ZNF544: variants seen among roughly 807,000 people sequenced by gnomAD.
ZNF544 encodes zinc finger protein 544, also known as zinc finger protein AF020591.
In ZNF544, 10 loss-of-function variants were observed where a neutral mutation model predicts 13.5. That is an observed-to-expected ratio of 0.74 (90% confidence interval 0.46 to 1.25). ZNF544 has a LOEUF of 1.25. Ranked by LOEUF, ZNF544 falls within the 50% of genes most tolerant of loss-of-function variation. The probability of loss-of-function intolerance (pLI) is 0.00; values close to 1 mark genes in which losing one functional copy is unlikely to be tolerated. For synonymous variants in ZNF544, 323 were observed against 300.5 expected (o/e 1.07, Z -0.77); for missense variants, 896 against 845.6 (o/e 1.06, Z -0.74).
intron 3 of ZNF544, among the ~76,000 whole-genome samples, chr19:58,243,297 C>T (rs1398209411): frequency 2.6e-5 from 4 of 151,984 alleles, no homozygotes. Context: ...GGGTGTGCTT[C>T]AGTGCCGATG....
chr19:58,266,772 T>C (rs1289333772), downstream of ZNF544: 2 of 151,804 alleles, frequency 1.3e-5, no homozygotes. Flanking sequence ...AGGGAAGGAG[T>C]CATGTGCTAA....
intron 3 of ZNF544, among the ~76,000 whole-genome samples, chr19:58,235,100 G>A (rs908083648): frequency 1.3e-5 from 2 of 152,176 alleles, no homozygotes; most frequent in African/African-American, 4.8e-5. Flanking sequence ...AGGTGACTTT[G>A]TTGTGTGAAC....
At chr19:58,265,587 A>T (rs543290441), downstream of ZNF544, among the ~76,000 whole-genome samples, 2 of 146,310 alleles carry the variant, frequency 1.4e-5, no homozygotes, top group East Asian at 2.1e-4. Flanking sequence ...GAGCCGCCAC[A>T]CCCGGCCGCA....
At chr19:58,266,633 A>C (rs1292626711), downstream of ZNF544, 1 of 152,012 alleles carries the variant, frequency 6.6e-6, no homozygotes, top group Non-Finnish European at 1.5e-5. Context: ...TGGCAGCCCC[A>C]GCAGAGCCAT....
At chr19:58,273,264 A>T (rs889051423) in intron 5 of ZNF544, among the ~76,000 whole-genome samples, 5 of 152,214 alleles carry the variant, frequency 3.3e-5, no homozygotes, top group African/African-American at 1.2e-4. Flanking sequence ...TTACAAATTA[A>T]TAATTGTGGG....
chr19:58,252,911 C>T (rs2046526759), intron 6 of ZNF544, among the ~76,000 whole-genome samples: 1 of 152,188 alleles, frequency 6.6e-6, no homozygotes, highest in Non-Finnish European at 1.5e-5. Context: ...CCTCTGACTC[C>T]CTGGTTCAAG....
intron 6 of ZNF544, among the ~76,000 whole-genome samples, chr19:58,257,092 T>A (rs566197142): frequency 3.3e-5 from 5 of 152,072 alleles, no homozygotes; most frequent in Non-Finnish European, 7.4e-5. Context: ...CGTCTAATTT[T>A]TTGTATTTTT....
At chr19:58,244,132 T>C (rs1236594702) in intron 4 of ZNF544, 76 bp downstream of exon 4, 20 of 1,322,874 alleles carry the variant, frequency 1.5e-5, no homozygotes, top group Non-Finnish European at 2.0e-5. Flanking sequence ...CACCCGCCCC[T>C]GCAGGCTGTC....
chr19:58,258,405 C>A, intron 6 of ZNF544: 1 of 62,860 alleles, frequency 1.6e-5, no homozygotes, highest in South Asian at 3.0e-4. Flanking sequence ...TGTGAGGGCA[C>A]CAGGTGTGAG....
intron 5 of ZNF544, among the ~76,000 whole-genome samples, chr19:58,273,706 G>C (rs80254228): frequency 1.4e-5 from 2 of 146,986 alleles, no homozygotes; most frequent in African/African-American, 5.1e-5. Flanking sequence ...AAAAAAAAAA[G>C]CCTATTCTGT....
intron 3 of ZNF544, among the ~76,000 whole-genome samples, chr19:58,234,794 T>C (rs2042051938): frequency 6.6e-6 from 1 of 152,220 alleles, no homozygotes; most frequent in African/African-American, 2.4e-5. Context: ...GCTGGGACTA[T>C]TAATAAACTA....
chr19:58,232,199 T>C (rs2041385379), intron 3 of ZNF544, among the ~76,000 whole-genome samples: 1 of 152,110 alleles, frequency 6.6e-6, no homozygotes, highest in African/African-American at 2.4e-5. Context: ...AGATACGCTC[T>C]ACTTAGAAGA....
intron 6 of ZNF544, chr19:58,251,367 G>A (rs202205419): frequency 1.9e-6 from 1 of 519,000 alleles, no homozygotes; most frequent in Non-Finnish European, 3.8e-6. Context: ...CAGGTTCCCG[G>A]TCTGGGACTT....
intron 6 of ZNF544, among the ~76,000 whole-genome samples, chr19:58,252,749 T>C (rs1023110384): frequency 3.9e-5 from 6 of 152,248 alleles, no homozygotes; most frequent in Non-Finnish European, 7.3e-5. Context: ...ATGAGCATTT[T>C]ATAGATGAGA....
intron 3 of ZNF544, among the ~76,000 whole-genome samples, chr19:58,233,411 T>C (rs929193029): frequency 7.9e-5 from 12 of 152,188 alleles, no homozygotes; most frequent in African/African-American, 2.9e-4. Flanking sequence ...TGAATGTTTA[T>C]GGACCAGACA....
chr19:58,274,798 G>T (rs2051092198), intron 5 of ZNF544, among the ~76,000 whole-genome samples: 1 of 152,096 alleles, frequency 6.6e-6, no homozygotes, highest in Admixed American at 6.6e-5. Flanking sequence ...TGTTCCCATT[G>T]CATCTGTTAC....
chr19:58,248,278 T>C (rs1034567030), intron 6 of ZNF544, among the ~76,000 whole-genome samples: 21 of 147,334 alleles, frequency 1.4e-4, no homozygotes, highest in African/African-American at 4.0e-4. Context: ...TTTTTCTTTT[T>C]TTTTTTTTTT....
downstream of ZNF544, among the ~76,000 whole-genome samples, chr19:58,264,762 G>C (rs1007301531): frequency 6.6e-6 from 1 of 152,136 alleles, no homozygotes; most frequent in Non-Finnish European, 1.5e-5. Flanking sequence ...CCAGCACTTT[G>C]GGAGACCGAG....
chr19:58,240,518 A>G (rs553960424), intron 3 of ZNF544, among the ~76,000 whole-genome samples: 30 of 152,046 alleles, frequency 2.0e-4, no homozygotes, highest in African/African-American at 7.0e-4. Flanking sequence ...CAGCCTCCCA[A>G]AGTGCTGGGA....
Sources: allele counts gnomAD v4.1 joint callset (sites outside exome capture counted in the v4.1 genomes callset), GRCh38; gene constraint gnomAD v4.1.1; transcripts MANE v1.5; gene names NCBI Gene and HGNC (gene_info 2026-07-23, HGNC 2026-07-21).